The following ZBTB7C variants were observed in gnomAD, a reference collection of about 807,000 sequenced individuals.
ZBTB7C encodes zinc finger and BTB domain containing 7C.
ZBTB7C carries 8 observed loss-of-function variants against 25.7 expected under a neutral mutation model. The ratio of observed to expected loss-of-function variants is 0.31; its 90% CI spans 0.18 to 0.56. The LOEUF (loss-of-function observed/expected upper bound fraction) is 0.56. Ranked by LOEUF, ZBTB7C falls within the 20% of genes least tolerant of loss-of-function variation. ZBTB7C has a pLI of 0.91. For missense variants in ZBTB7C, 824 were observed against 855.2 expected, an observed-to-expected ratio of 0.96 and a Z score of 0.46; for synonymous variants, 394 against 369.0, an observed-to-expected ratio of 1.07 and a Z score of -0.78.
At chr18:48,174,642 G>A (rs994249584) in intron 3 of ZBTB7C, among the ~76,000 whole-genome samples, 12 of 152,192 alleles carry the variant, frequency 7.9e-5, no homozygotes, top group South Asian at 4.1e-4. Flanking sequence ...GTGGTCATCC[G>A]TAAGAGAGCA....
chr18:48,364,498 G>A lies in ZBTB7C; in HGVS notation c.-303-26100C>T, dbSNP rs113797433. Among the ~76,000 whole-genome samples, 1,473 of 152,282 alleles carry A rather than the reference G, an allele frequency of 9.7e-3. 28 individuals carry two copies. Among genetic ancestry groups the A allele is most frequent in the African/African-American group, 0.033 (1,364 of 41,548 alleles). ...CAGAATTAAGCAAAGGCTTGTGGTC[G>A]AGAAATGTGACCCAAATCCCAGAGA... On this transcript the variant is annotated intron_variant, in intron 1 of 4. Coordinates refer to ENST00000590800, the MANE Select transcript of ZBTB7C (RefSeq NM_001318841.2).
At chr18:48,059,823 C>A (rs2037056839) in intron 3 of ZBTB7C, among the ~76,000 whole-genome samples, 1 of 152,148 alleles carries the variant, frequency 6.6e-6, no homozygotes. Context: ...ACAGCCCCTG[C>A]CCCAGTCTCT....
intron 2 of ZBTB7C, among the ~76,000 whole-genome samples, chr18:48,246,416 C>T (rs568996051): frequency 2.7e-4 from 41 of 149,710 alleles, no homozygotes; most frequent in African/African-American, 5.9e-4. Context: ...GGCAAGAGAG[C>T]GAGACTCTGT....
chr18:48,387,067 GAAGTA>G (rs1466100288), intron 1 of ZBTB7C, among the ~76,000 whole-genome samples: 1 of 152,218 alleles, frequency 6.6e-6, no homozygotes, highest in Non-Finnish European at 1.5e-5. Flanking sequence ...TAATAGAAGT[GAAGTA>G]AAGAACATTC....
At chr18:48,371,550 A>G (rs2047388029) in intron 1 of ZBTB7C, among the ~76,000 whole-genome samples, 1 of 152,238 alleles carries the variant, frequency 6.6e-6, no homozygotes. Context: ...TTAGCCTGGC[A>G]TAAGAGCCTG....
intron 2 of ZBTB7C, among the ~76,000 whole-genome samples, chr18:48,319,704 T>C (rs191809843): frequency 1.2e-3 from 189 of 152,262 alleles, no homozygotes; most frequent in African/African-American, 4.2e-3. Flanking sequence ...GGCCCGGGAA[T>C]GTTTGGATGT....
chr18:48,318,213 A>AG (rs1445004818), intron 2 of ZBTB7C, among the ~76,000 whole-genome samples: 2 of 147,060 alleles, frequency 1.4e-5, no homozygotes, highest in Non-Finnish European at 3.1e-5. Context: ...ACAAAACAAA[A>AG]CAAAAAAAAA....
At chr18:48,259,538 A>C (rs1484035746) in intron 2 of ZBTB7C, among the ~76,000 whole-genome samples, 2 of 152,172 alleles carry the variant, frequency 1.3e-5, no homozygotes, top group African/African-American at 4.8e-5. Context: ...AAAACTGAAA[A>C]ATTGGACTTC....
chr18:48,125,244 A>G (rs1489580184), intron 3 of ZBTB7C, among the ~76,000 whole-genome samples: 1 of 152,188 alleles, frequency 6.6e-6, no homozygotes, highest in Non-Finnish European at 1.5e-5. Context: ...AAAGTGGGTG[A>G]ACTGAGGTGG....
intron 2 of ZBTB7C, among the ~76,000 whole-genome samples, chr18:48,268,924 C>T (rs193275204): frequency 5.4e-4 from 82 of 150,860 alleles, no homozygotes; most frequent in Non-Finnish European, 9.3e-4. Flanking sequence ...AAGCCACCAG[C>T]AGATTTGATG....
At chr18:48,210,515 T>C (rs554428141) in intron 2 of ZBTB7C, among the ~76,000 whole-genome samples, 17 of 152,242 alleles carry the variant, frequency 1.1e-4, no homozygotes, top group Non-Finnish European at 1.9e-4. Context: ...TGCTACAGCA[T>C]GGATGAACCT....
intron 2 of ZBTB7C, among the ~76,000 whole-genome samples, chr18:48,290,776 G>A (rs184278288): frequency 7.9e-5 from 12 of 152,352 alleles, no homozygotes; most frequent in African/African-American, 2.6e-4. Context: ...TTAGGTGGCT[G>A]TAGCCAGGAC....
intron 3 of ZBTB7C, among the ~76,000 whole-genome samples, chr18:48,098,695 A>G (rs2038726704): frequency 6.6e-6 from 1 of 152,172 alleles, no homozygotes; most frequent in South Asian, 2.1e-4. Context: ...TCGGGCATAA[A>G]CCAACCAATG....
Position 48,342,945 on chromosome 18 carries a change from G to A in ZBTB7C, c.-303-4547C>T, listed in dbSNP as rs558092834. Among the ~76,000 whole-genome samples, 42 of 151,030 alleles carry A rather than the reference G, an allele frequency of 2.8e-4. No homozygotes were observed. In the Middle Eastern group the frequency reaches 0.01, roughly 37 times the overall value. On this transcript the variant is annotated intron_variant, in intron 1 of 4. Transcript: ENST00000590800. ...TCATCCTTTGCATCCTCCAGCCTACGTTTAAGGCTGAATTCATACTTAGTG... is the reference window on the plus strand; with the variant it reads ...TCATCCTTTGCATCCTCCAGCCTACATTTAAGGCTGAATTCATACTTAGTG...
intron 3 of ZBTB7C, among the ~76,000 whole-genome samples, chr18:48,130,050 A>G (rs1233452480): frequency 6.6e-6 from 1 of 152,146 alleles, no homozygotes; most frequent in Non-Finnish European, 1.5e-5. Context: ...AGGGGAGGGT[A>G]AGGGAGCAGA....
At chr18:48,372,332 G>A (rs948206214) in intron 1 of ZBTB7C, among the ~76,000 whole-genome samples, 3 of 152,206 alleles carry the variant, frequency 2.0e-5, no homozygotes, top group Non-Finnish European at 4.4e-5. Context: ...TAAAGTCAGT[G>A]CTCAGCAAGT....
intron 2 of ZBTB7C, among the ~76,000 whole-genome samples, chr18:48,245,507 A>AAT (rs56858676): frequency 2.6e-5 from 2 of 78,066 alleles, no homozygotes; most frequent in African/African-American, 9.0e-5. Context: ...AAAAAAAAAA[A>AAT]GAAAAAATGA....
chr18:48,032,057 CT>C (rs1243109271), intron 4 of ZBTB7C, among the ~76,000 whole-genome samples: 1 of 152,154 alleles, frequency 6.6e-6, no homozygotes, highest in Non-Finnish European at 1.5e-5. Flanking sequence ...CTAAGCAGGG[CT>C]TTAAATGCAT....
upstream of ZBTB7C, among the ~76,000 whole-genome samples, chr18:48,412,569 A>T (rs920813068): frequency 1.3e-5 from 2 of 152,182 alleles, no homozygotes; most frequent in Admixed American, 6.6e-5. Context: ...TAGAGGAGAA[A>T]GAGGGAAGAG....
Sources: allele counts gnomAD v4.1 joint callset (sites outside exome capture counted in the v4.1 genomes callset), GRCh38; gene constraint gnomAD v4.1.1; transcripts MANE v1.5; gene names NCBI Gene and HGNC (gene_info 2026-07-23, HGNC 2026-07-21).